Variants in NXPH1 observed in about 807,000 individuals in gnomAD.
NXPH1 encodes the protein neurexophilin 1.
In NXPH1, 5 loss-of-function variants were observed where a neutral mutation model predicts 23.7. The ratio of observed to expected loss-of-function variants is 0.21; its 90% confidence interval spans 0.11 to 0.44. NXPH1 has a LOEUF of 0.44. Among genes scored for constraint, NXPH1 ranks in the 20% least tolerant of loss-of-function variants. NXPH1 has a pLI of 0.99. For synonymous variants in NXPH1, 144 were observed against 122.2 expected (o/e 1.18, Z -1.18); for missense variants, 324 against 321.6 (o/e 1.01, Z -0.06).
At chr7:8,459,016 C>T (rs865978983) in intron 2 of NXPH1, among the ~76,000 whole-genome samples, 2 of 152,172 alleles carry the variant, frequency 1.3e-5, no homozygotes, top group South Asian at 4.1e-4. Context: ...ACTCATAAAA[C>T]TGTAATTACA....
chr7:8,532,470 G>GT (rs1817962386), intron 2 of NXPH1, among the ~76,000 whole-genome samples: 1 of 137,280 alleles, frequency 7.3e-6, no homozygotes, highest in Non-Finnish European at 1.6e-5. Context: ...ATTTTTTTTG[G>GT]GGGGGGGGGA....
chr7:8,598,830 G>T (rs1290209475), intron 2 of NXPH1, among the ~76,000 whole-genome samples: 1 of 152,074 alleles, frequency 6.6e-6, no homozygotes, highest in Non-Finnish European at 1.5e-5. Context: ...GTATAGCCTG[G>T]TAAGAGTTTT....
intron 2 of NXPH1, among the ~76,000 whole-genome samples, chr7:8,750,163 T>TATTA (rs1780539668): frequency 6.6e-6 from 1 of 152,200 alleles, no homozygotes; most frequent in African/African-American, 2.4e-5. Flanking sequence ...ATTCATTGCT[T>TATTA]ATTATAGGTG....
intron 2 of NXPH1, among the ~76,000 whole-genome samples, chr7:8,690,089 A>G (rs1415493950): frequency 2.0e-5 from 3 of 152,156 alleles, no homozygotes; most frequent in Non-Finnish European, 2.9e-5. Context: ...GAGAAAGAAG[A>G]TTGGATTATT....
chr7:8,577,577 T>C lies in NXPH1; in HGVS notation c.54+141810T>C, dbSNP rs28602327. 2.9e-3 allele frequency among the ~76,000 whole-genome samples: 445 copies of C among 152,340 alleles called. 1 individual carries two copies. Among genetic ancestry groups the C allele is most frequent in the African/African-American group, 0.01 (426 of 41,558 alleles). On this transcript the variant is annotated intron_variant, in intron 2 of 2. Transcript: ENST00000405863. ...GCCATAGTTCCCTTCAAACATTTAT[T>C]ATCAATTACACACTGTGCATGAGGC... is the stretch of plus-strand genomic sequence containing the variant.
At chr7:8,548,191 A>G (rs1220198650) in intron 2 of NXPH1, among the ~76,000 whole-genome samples, 1 of 151,480 alleles carries the variant, frequency 6.6e-6, no homozygotes, top group East Asian at 2.0e-4. Context: ...GAAATCACTT[A>G]ACTTATTACA....
chr7:8,630,242 T>C (rs1583205285), intron 2 of NXPH1, among the ~76,000 whole-genome samples: 1 of 152,118 alleles, frequency 6.6e-6, no homozygotes, highest in East Asian at 1.9e-4. Flanking sequence ...TAAGACATGT[T>C]CTAAGATATA....
intron 2 of NXPH1, among the ~76,000 whole-genome samples, chr7:8,509,428 G>A (rs7801099): frequency 0.55 from 83,468 of 151,932 alleles, 23,036 homozygotes; most frequent in African/African-American, 0.59. Flanking sequence ...AGAGAGTAAC[G>A]ACATATGTGG....
intron 2 of NXPH1, among the ~76,000 whole-genome samples, chr7:8,515,802 T>A (rs1002887188): frequency 1.3e-5 from 2 of 152,164 alleles, no homozygotes; most frequent in African/African-American, 4.8e-5. Context: ...ATGTGGAACA[T>A]GAATCTGATC....
At position 8,569,098 on chromosome 7, in the gene NXPH1, C is replaced by T. The variant is rs1466342408; in HGVS notation, c.54+133331C>T. 2.0e-5 allele frequency among the ~76,000 whole-genome samples: 3 copies of T among 151,858 alleles called. No homozygotes were observed. The East Asian group carries it at 5.8e-4, about 30-fold the overall frequency. Reference sequence around the variant, plus strand: ...TCAGGTTGCCAATTCTGATGCATCACATCAATCTACTAATTTGGGATTACC... The same window carrying T: ...TCAGGTTGCCAATTCTGATGCATCATATCAATCTACTAATTTGGGATTACC... On this transcript the variant is annotated intron_variant, in intron 2 of 2. Transcript: ENST00000405863.
At chr7:8,745,755 A>C (rs1284804069) in intron 2 of NXPH1, among the ~76,000 whole-genome samples, 3 of 127,936 alleles carry the variant, frequency 2.3e-5, no homozygotes, top group Non-Finnish European at 4.9e-5. Context: ...TTTTTAGTAG[A>C]GACAGGGTGT....
chr7:8,733,146 G>A (rs1329914460), intron 2 of NXPH1, among the ~76,000 whole-genome samples: 1 of 152,030 alleles, frequency 6.6e-6, no homozygotes, highest in Admixed American at 6.6e-5. Context: ...TTCTGTTCCT[G>A]TGTTAGTTTG....
At chr7:8,700,639 C>T (rs1779610901) in intron 2 of NXPH1, among the ~76,000 whole-genome samples, 1 of 152,022 alleles carries the variant, frequency 6.6e-6, no homozygotes, top group Non-Finnish European at 1.5e-5. Context: ...TTATATTTGC[C>T]TTCTTAAATA....
intron 2 of NXPH1, among the ~76,000 whole-genome samples, chr7:8,633,166 C>G (rs959175611): frequency 2.0e-5 from 3 of 152,186 alleles, no homozygotes; most frequent in Non-Finnish European, 4.4e-5. Flanking sequence ...GGCATGGTGG[C>G]TCACGCCTGT....
At chr7:8,746,529 T>G (rs772814796) in intron 2 of NXPH1, among the ~76,000 whole-genome samples, 2 of 152,216 alleles carry the variant, frequency 1.3e-5, no homozygotes, top group African/African-American at 2.4e-5. Flanking sequence ...ATCACTTACT[T>G]TATTTGCCAT....
chr7:8,746,751 A>G (rs944578637), intron 2 of NXPH1, among the ~76,000 whole-genome samples: 1 of 152,172 alleles, frequency 6.6e-6, no homozygotes, highest in Non-Finnish European at 1.5e-5. Context: ...AATATTGACT[A>G]TAAGTACAAA....
chr7:8,553,446 T>C (rs974561248), intron 2 of NXPH1, among the ~76,000 whole-genome samples: 1 of 151,480 alleles, frequency 6.6e-6, no homozygotes, highest in East Asian at 2.0e-4. Context: ...TAATCATTAG[T>C]AAATAAATGC....
chr7:8,699,891 T>A (rs1779596113), intron 2 of NXPH1, among the ~76,000 whole-genome samples: 1 of 152,112 alleles, frequency 6.6e-6, no homozygotes, highest in Non-Finnish European at 1.5e-5. Flanking sequence ...AAAGGGAAGA[T>A]CCACTTACTA....
intron 2 of NXPH1, among the ~76,000 whole-genome samples, chr7:8,710,416 C>T (rs184827532): frequency 1.3e-4 from 20 of 152,244 alleles, no homozygotes; most frequent in Admixed American, 7.8e-4. Flanking sequence ...GGATAGTTTA[C>T]TAATGTGCGA....
Sources: allele counts gnomAD v4.1 joint callset (sites outside exome capture counted in the v4.1 genomes callset), GRCh38; gene constraint gnomAD v4.1.1; transcripts MANE v1.5; gene names NCBI Gene and HGNC (gene_info 2026-07-23, HGNC 2026-07-21).